Variants in DYSF observed in about 807,000 individuals in gnomAD.
DYSF encodes the protein dystrophy-associated fer-1-like 1.
A neutral mutation model predicts 274.9 loss-of-function variants in DYSF; 212 were observed. The ratio of observed to expected loss-of-function variants is 0.77; its 90% confidence interval spans 0.69 to 0.86. The LOEUF (loss-of-function observed/expected upper bound fraction) is 0.86. Among genes scored for constraint, DYSF ranks in the 40% least tolerant of loss-of-function variants. The pLI, the probability that DYSF is intolerant of heterozygous loss-of-function variation, is 0.00. For synonymous variants in DYSF, 1,091 were observed against 1,078.7 expected, an observed-to-expected ratio of 1.01 and a Z score of -0.22; for missense variants, 2,666 against 2,783.2, an observed-to-expected ratio of 0.96 and a Z score of 0.95.
intron 1 of DYSF, among the ~76,000 whole-genome samples, chr2:71,471,446 T>C (rs1208055120): frequency 6.6e-6 from 1 of 152,198 alleles, no homozygotes; most frequent in Non-Finnish European, 1.5e-5. Flanking sequence ...AGGATGCTGC[T>C]AGACATTCCA....
At chr2:71,487,836 C>A (rs901955914) in intron 3 of DYSF, among the ~76,000 whole-genome samples, 1 of 152,138 alleles carries the variant, frequency 6.6e-6, no homozygotes. Context: ...AAAGGAATTG[C>A]TCTCAATTTT....
chr2:71,639,591 G>A (rs2094456717), intron 41 of DYSF, among the ~76,000 whole-genome samples: 2 of 152,154 alleles, frequency 1.3e-5, no homozygotes, highest in Non-Finnish European at 2.9e-5. Flanking sequence ...GTTGTGTAAT[G>A]TTTAATCATA....
At chr2:71,555,660 G>C (rs1049262185) in intron 21 of DYSF, among the ~76,000 whole-genome samples, 3 of 152,176 alleles carry the variant, frequency 2.0e-5, no homozygotes, top group African/African-American at 7.2e-5. Context: ...CCTGGTTTGA[G>C]GTAGCAGGGA....
rs959125009 is a variant in DYSF, at chr2:71,589,636, C to A, written c.3446C>A (p.Ser1149Tyr). Residue 1149 changes from serine (S) to tyrosine (Y), a missense_variant, in exon 31 of 56, where the codon TCC (serine) becomes TAC (tyrosine). Ser to Tyr is a moderately radical substitution (Grantham distance 144). Around this residue, in one of 3 missense-constraint regions of DYSF, gnomAD observed 1,460 missense variants for 1,502.1 expected, o/e 0.97. Transcript: ENST00000410020. ...AAGAGTGAAGATTCCATGTCCGTCTCCACCTTGAGCTTCGGTGTGAACAGA... is the reference window on the plus strand; with the variant it reads ...AAGAGTGAAGATTCCATGTCCGTCTACACCTTGAGCTTCGGTGTGAACAGA... ...DDKSEDSMSV[S>Y]TLSFGVNRPT... 18 of 1,614,158 alleles carry A rather than the reference C, an allele frequency of 1.1e-5. 1 individual carries two copies. In the Admixed American group the frequency reaches 2.8e-4, roughly 25 times the overall value.
intron 24 of DYSF, among the ~76,000 whole-genome samples, chr2:71,566,173 T>G (rs1574029810): frequency 8.2e-6 from 1 of 121,648 alleles, no homozygotes; most frequent in South Asian, 2.8e-4. Context: ...AGTCAAGGAG[T>G]GGCCATATCT....
At position 71,515,648 on chromosome 2, in the gene DYSF, G is replaced by T. The variant is rs764849844; in HGVS notation, c.785G>T (p.Arg262Leu). The T allele has an allele frequency of 1.2e-6, 2 of 1,613,794 alleles. No individual in the cohort carries two copies. The highest frequency in any genetic ancestry group is 1.3e-5 in the African/African-American group (1 of 74,870). The change falls in exon 8 of 56, where the codon CGC (arginine) becomes CTC (leucine). Residue 262 changes from arginine to leucine, a missense_variant. This residue lies in a region of DYSF where 794 missense variants were observed against 777.1 expected (regional missense o/e 1.02). Coordinates refer to ENST00000410020, the MANE Select transcript of DYSF (RefSeq NM_001130987.2). ...ATCAGGGTCCAGGTGATCGAGGGGC[G>T]CCAGCTGCCGGGGGTGAACATCAAG... ...FQIRVQVIEGRQLPGVNIKPV... is the reference protein window; with the variant it reads ...FQIRVQVIEGLQLPGVNIKPV...
rs189774930 is a variant in DYSF, at chr2:71,635,519, G to A, written c.4528-8446G>A. ...TCCCAGCACTTTGGGAGGCAGAGGC[G>A]GGTGGATCATGTGAGGCCAGGAGTT... is the stretch of plus-strand genomic sequence containing the variant. On this transcript the variant is annotated intron_variant, in intron 41 of 55. Coordinates refer to ENST00000410020, the MANE Select transcript of DYSF (RefSeq NM_001130987.2). Among the ~76,000 whole-genome samples the A allele has an allele frequency of 4.0e-3, 605 of 152,250 alleles. 2 individuals carry two copies. The highest frequency in any genetic ancestry group is 0.014 in the African/African-American group (587 of 41,558).
chr2:71,525,913 G>A (rs902731858), intron 12 of DYSF, among the ~76,000 whole-genome samples: 4 of 152,158 alleles, frequency 2.6e-5, no homozygotes, highest in African/African-American at 9.7e-5. Flanking sequence ...CGGGAGGTGG[G>A]GGAGAGCGGG....
intron 40 of DYSF, among the ~76,000 whole-genome samples, chr2:71,614,833 A>T (rs2093847778): frequency 6.6e-6 from 1 of 152,094 alleles, no homozygotes; most frequent in African/African-American, 2.4e-5. Context: ...TCTGAGGAGG[A>T]ATCTCTCTCT....
At position 71,656,286 on chromosome 2, in the gene DYSF, T is replaced by C; in HGVS notation, c.4751T>C (p.Phe1584Ser). 6.2e-7 allele frequency: 1 copy of C among 1,614,070 alleles called. No homozygotes were observed. The highest frequency in any genetic ancestry group is 8.5e-7 in the Non-Finnish European group (1 of 1,180,018). Residue 1584 changes from phenylalanine to serine, a missense_variant, in exon 43 of 56, where the codon TTT becomes TCT. Physicochemically the swap from Phe to Ser is radical, Grantham distance 155 (BLOSUM62 -2). Coordinates refer to ENST00000410020, the MANE Select transcript of DYSF (RefSeq NM_001130987.2). ...GAAGATCCATCTGTGATTGGTGAATTTAAGGTAAATCCTCGAAGACGTCCC... is the reference window on the plus strand; with the variant it reads ...GAAGATCCATCTGTGATTGGTGAATCTAAGGTAAATCCTCGAAGACGTCCC... Reference protein sequence around the residue: ...ETEDPSVIGEFKGLFKIYPLP... With the variant: ...ETEDPSVIGESKGLFKIYPLP...
chr2:71,535,640 G>A (rs72900838), intron 16 of DYSF, among the ~76,000 whole-genome samples: 154 of 152,256 alleles, frequency 1.0e-3, no homozygotes, highest in African/African-American at 3.2e-3. Flanking sequence ...ACATTCCAGT[G>A]AGGAGAGGCT....
chr2:71,663,551 C>T (rs1449457428), intron 45 of DYSF, among the ~76,000 whole-genome samples: 1 of 152,222 alleles, frequency 6.6e-6, no homozygotes, highest in Non-Finnish European at 1.5e-5. Context: ...CTCCATGCCA[C>T]AAGTTGCTTA....
exon 1 of DYSF, chr2:71,454,076 G>A (rs1203786305): frequency 1.9e-6 from 3 of 1,613,956 alleles, no homozygotes; most frequent in Non-Finnish European, 1.7e-6. Flanking sequence ...ACTGCTCCGC[G>A]GTGTTTGCAG....
intron 22 of DYSF, among the ~76,000 whole-genome samples, chr2:71,560,204 G>A (rs1034276115): frequency 2.3e-4 from 35 of 152,306 alleles, no homozygotes; most frequent in Non-Finnish European, 4.1e-4. Context: ...CAGCTTGTTA[G>A]TGGCACTCAC....
In DYSF at chr2:71,540,145, C is replaced by A. The variant is rs150923469; in HGVS notation, c.1576+906C>A. Among the ~76,000 whole-genome samples, 1,138 of 149,594 alleles carry A rather than the reference C, an allele frequency of 7.6e-3. 12 individuals carry two copies. Among genetic ancestry groups the A allele is most frequent in the African/African-American group, 0.025 (1,022 of 40,350 alleles). ...TTTTTTTTTTGAGATGGAGTCTTGC[C>A]CTGTTGCCAGGCTGCAGTGTAGTGG... On this transcript the variant is annotated intron_variant, in intron 17 of 55. Transcript: ENST00000410020.
chr2:71,463,668 G>A (rs1260281734), upstream of DYSF, among the ~76,000 whole-genome samples: 3 of 152,220 alleles, frequency 2.0e-5, no homozygotes, highest in Non-Finnish European at 4.4e-5. Context: ...TGTCTGCTAT[G>A]TCCTCAACTG....
Position 71,516,160 on chromosome 2 carries a change from T to C in DYSF, c.889-20T>C, listed in dbSNP as rs1454317888. On this transcript the variant is annotated intron_variant, in intron 8 of 55. Transcript: ENST00000410020. ...GGATCAGCAGGCACTGATATGTCTCTCTTTGCTCTGAACCAACAGACTCTT... is the reference window on the plus strand; with the variant it reads ...GGATCAGCAGGCACTGATATGTCTCCCTTTGCTCTGAACCAACAGACTCTT... The C allele has an allele frequency of 1.9e-6, 3 of 1,613,884 alleles. No individual in the cohort carries two copies. The African/African-American group carries it at 4.0e-5, about 22-fold the overall frequency.
chr2:71,471,108 A>G (rs2082004456), intron 1 of DYSF, among the ~76,000 whole-genome samples: 1 of 152,096 alleles, frequency 6.6e-6, no homozygotes. Flanking sequence ...TTTTCTTTTT[A>G]TAAACATAAT....
chr2:71,650,000 C>T (rs1406607715), intron 42 of DYSF, among the ~76,000 whole-genome samples: 4 of 152,186 alleles, frequency 2.6e-5, no homozygotes, highest in Admixed American at 2.0e-4. Context: ...AAGGATGACA[C>T]TTTATAATGC....
Sources: allele counts gnomAD v4.1 joint callset (sites outside exome capture counted in the v4.1 genomes callset), GRCh38; gene constraint gnomAD v4.1.1; regional missense constraint gnomAD v4.1.1; transcripts MANE v1.5; gene names NCBI Gene and HGNC (gene_info 2026-07-23, HGNC 2026-07-21).